The following DIS3L2 variants were observed in gnomAD, a reference collection of about 807,000 sequenced individuals.
DIS3L2 encodes DIS3-like exonuclease 2.
A neutral mutation model predicts 97.5 loss-of-function variants in DIS3L2; 34 were observed. The ratio of observed to expected loss-of-function variants is 0.35; its 90% CI spans 0.27 to 0.46. The LOEUF (loss-of-function observed/expected upper bound fraction) is 0.46, where lower values mean the gene tolerates loss of function less well. DIS3L2 is among the 20% of genes least tolerant of loss of function. The pLI is 1.00. For missense variants in DIS3L2, 1,038 were observed against 1,146.0 expected (o/e 0.91, Z 1.36); for synonymous variants, 435 against 445.2 (o/e 0.98, Z 0.29).
intron 8 of DIS3L2, among the ~76,000 whole-genome samples, chr2:232,155,203 C>G (rs1690454165): frequency 9.4e-6 from 1 of 105,828 alleles, no homozygotes; most frequent in South Asian, 2.6e-4. Context: ...GGAGCTGTTC[C>G]TATTCAGCCA....
At chr2:232,103,730 A>G (rs1271143096) in intron 6 of DIS3L2, among the ~76,000 whole-genome samples, 1 of 152,222 alleles carries the variant, frequency 6.6e-6, no homozygotes, top group East Asian at 1.9e-4. Flanking sequence ...TAGCGTTGAG[A>G]GTGATCACAT....
chr2:232,271,452 A>C (rs1260660998), intron 13 of DIS3L2, among the ~76,000 whole-genome samples: 1 of 152,226 alleles, frequency 6.6e-6, no homozygotes, highest in Non-Finnish European at 1.5e-5. Flanking sequence ...ACTTCTCTTG[A>C]AAGTAGTAGT....
intron 12 of DIS3L2, among the ~76,000 whole-genome samples, chr2:232,262,233 C>T (rs999609245): frequency 2.6e-5 from 4 of 152,090 alleles, no homozygotes; most frequent in African/African-American, 4.8e-5. Flanking sequence ...CACCTCCAAA[C>T]GGCCCAGGCC....
intron 5 of DIS3L2, among the ~76,000 whole-genome samples, chr2:232,043,778 A>G (rs1695168712): frequency 6.6e-6 from 1 of 152,248 alleles, no homozygotes; most frequent in Non-Finnish European, 1.5e-5. Context: ...AAGGAAATGT[A>G]CTGACATTTA....
chr2:232,334,418 G>A lies in DIS3L2; in HGVS notation c.2208G>A (p.Ala736=), dbSNP rs745361985. ...CGCCCGATACCCTGCAGAAACAGGC[G>A]GACCACTGTAACGACCGCCGCATGG... The part of the protein sequence containing the change: ...DMAPDTLQKQ[A]DHCNDRRMAS... The change falls in exon 18 of 21, where the codon GCG becomes GCA. Residue 736 remains alanine (A), a synonymous_variant. Coordinates refer to ENST00000325385, the MANE Select transcript of DIS3L2 (RefSeq NM_152383.5). 47 of 1,613,654 alleles carry A rather than the reference G, an allele frequency of 2.9e-5. No individual in the cohort carries two copies. The highest frequency in any genetic ancestry group is 8.0e-5 in the African/African-American group (6 of 74,930).
intron 6 of DIS3L2, chr2:232,087,940 A>G (rs1696714698): frequency 3.8e-6 from 2 of 519,728 alleles, no homozygotes; most frequent in Admixed American, 3.1e-5. Flanking sequence ...CAGTAGTTGC[A>G]GTTGCCACAT....
chr2:232,148,948 A>G (rs1187408272), intron 8 of DIS3L2, among the ~76,000 whole-genome samples: 3 of 147,852 alleles, frequency 2.0e-5, no homozygotes, highest in African/African-American at 7.5e-5. Context: ...CCAACTCCAA[A>G]TATACCATCT....
chr2:232,277,146 C>G (rs1037524588), intron 13 of DIS3L2, among the ~76,000 whole-genome samples: 2 of 150,406 alleles, frequency 1.3e-5, no homozygotes, highest in Non-Finnish European at 3.0e-5. Flanking sequence ...TCTGGTTTGG[C>G]TAGGTCCCTG....
chr2:232,190,992 C>G (rs1402721762), intron 9 of DIS3L2, among the ~76,000 whole-genome samples: 9 of 152,190 alleles, frequency 5.9e-5, no homozygotes, highest in Non-Finnish European at 1.2e-4. Context: ...GAACAGAAGT[C>G]ACTGTGTTTA....
At position 231,992,656 on chromosome 2, in the gene DIS3L2, T is replaced by C. The variant is rs188053177; in HGVS notation, c.-93-22179T>C. Among the ~76,000 whole-genome samples, 19 of 152,286 alleles carry C rather than the reference T, an allele frequency of 1.2e-4. No individual in the cohort carries two copies. The East Asian group carries it at 3.5e-3, about 28-fold the overall frequency. On this transcript the variant is annotated intron_variant, in intron 1 of 20. Coordinates refer to ENST00000325385, the MANE Select transcript of DIS3L2 (RefSeq NM_152383.5). The stretch of plus-strand genomic sequence containing the variant: ...CCCTTGCACCTCTCACTGAGCCCCT[T>C]GTGATATCCATCCTGCTAAGTGTAA...
intron 5 of DIS3L2, among the ~76,000 whole-genome samples, chr2:232,043,064 G>A (rs867125893): frequency 6.6e-6 from 1 of 152,206 alleles, no homozygotes; most frequent in African/African-American, 2.4e-5. Context: ...TGGTGTTTTA[G>A]TATGTGTTTC....
chr2:232,183,668 T>G (rs963506324), intron 9 of DIS3L2, among the ~76,000 whole-genome samples: 1 of 152,238 alleles, frequency 6.6e-6, no homozygotes, highest in African/African-American at 2.4e-5. Flanking sequence ...TTTGGTCAGT[T>G]CTTGTTGACC....
intron 10 of DIS3L2, among the ~76,000 whole-genome samples, chr2:232,231,450 C>T (rs1031505198): frequency 3.3e-5 from 5 of 152,214 alleles, no homozygotes; most frequent in Non-Finnish European, 5.9e-5. Context: ...TTGCTGTCCT[C>T]CAAGGAGATG....
chr2:232,294,975 C>A (rs1018772984), intron 13 of DIS3L2, among the ~76,000 whole-genome samples: 1 of 152,166 alleles, frequency 6.6e-6, no homozygotes. Flanking sequence ...CCTGTTCCCC[C>A]GTAGGTCTCC....
intron 9 of DIS3L2, among the ~76,000 whole-genome samples, chr2:232,167,274 G>A (rs893818151): frequency 1.3e-5 from 2 of 151,788 alleles, no homozygotes; most frequent in Admixed American, 1.3e-4. Flanking sequence ...AGTCTATTAC[G>A]TACATTATAA....
intron 10 of DIS3L2, among the ~76,000 whole-genome samples, chr2:232,234,121 G>C (rs1692870801): frequency 6.6e-6 from 1 of 152,142 alleles, no homozygotes; most frequent in South Asian, 2.1e-4. Flanking sequence ...TTATGGCGAG[G>C]GGTAATAAAA....
At chr2:232,321,403 A>G (rs1047790080) in intron 14 of DIS3L2, among the ~76,000 whole-genome samples, 8 of 152,180 alleles carry the variant, frequency 5.3e-5, no homozygotes, top group Non-Finnish European at 8.8e-5. Flanking sequence ...CAGTCTAGAA[A>G]GAGGCTCACC....
At chr2:232,298,722 A>G (rs1169999076) in intron 13 of DIS3L2, among the ~76,000 whole-genome samples, 3 of 152,218 alleles carry the variant, frequency 2.0e-5, no homozygotes, top group Non-Finnish European at 4.4e-5. Flanking sequence ...CCTAATGTGC[A>G]GTTAATTTTA....
In DIS3L2 at chr2:232,037,298, C is replaced by T. The variant is rs537355716; in HGVS notation, c.366+7218C>T. On this transcript the variant is annotated intron_variant, in intron 5 of 20. Transcript: ENST00000325385. The surrounding 1 kb of genome is among the most constrained non-coding windows in gnomAD (Gnocchi z 4.6). ...GGCTTTGCGGTGCTGTGGTGGGCTC[C>T]GCCCAGCTTGAACTTCCTGGTGGCT... is the stretch of plus-strand genomic sequence containing the variant. Among the ~76,000 whole-genome samples the T allele has an allele frequency of 4.6e-5, 7 of 152,302 alleles. No homozygotes were observed. Among genetic ancestry groups the T allele is most frequent in the African/African-American group, 1.7e-4 (7 of 41,566 alleles).
Sources: allele counts gnomAD v4.1 joint callset (sites outside exome capture counted in the v4.1 genomes callset), GRCh38; gene constraint gnomAD v4.1.1; non-coding constraint Gnocchi (gnomAD v3.1); transcripts MANE v1.5; gene names NCBI Gene and HGNC (gene_info 2026-07-23, HGNC 2026-07-21).